MAP3K1: variants seen among roughly 807,000 people sequenced by gnomAD.
The protein encoded by MAP3K1 is MAP/ERK kinase kinase 1.
MAP3K1 carries 36 observed loss-of-function variants against 144.2 expected under a neutral mutation model. The observed-to-expected ratio is 0.25, with a 90% CI of 0.19 to 0.33. The LOEUF is 0.33. Among genes scored for constraint, MAP3K1 ranks in the 10% least tolerant of loss-of-function variants. The pLI is 1.00. For missense variants in MAP3K1, 1,650 were observed against 1,881.9 expected (o/e 0.88, Z 2.28); for synonymous variants, 718 against 688.7 (o/e 1.04, Z -0.67).
chr5:56,893,355 C>T (rs952417442), intron 19 of MAP3K1, among the ~76,000 whole-genome samples, 176 bp from the exon 20 acceptor site: 2 of 152,160 alleles, frequency 1.3e-5, no homozygotes, highest in Non-Finnish European at 2.9e-5. Flanking sequence ...AGAAAACCTC[C>T]CATCCAGTGG....
At chr5:56,856,224 C>T (rs1241241117) in intron 1 of MAP3K1, among the ~76,000 whole-genome samples, 2 of 152,132 alleles carry the variant, frequency 1.3e-5, no homozygotes, top group Non-Finnish European at 2.9e-5. Context: ...GCATATCCAC[C>T]AGATTCTATC....
chr5:56,840,358 G>C (rs1746776216), intron 1 of MAP3K1, among the ~76,000 whole-genome samples: 2 of 152,096 alleles, frequency 1.3e-5, no homozygotes, highest in South Asian at 2.1e-4. Flanking sequence ...ATGTTGGCCA[G>C]GCTGGTCTTG....
chr5:56,817,027 CG>C, intron 1 of MAP3K1: 1 of 983,532 alleles, frequency 1.0e-6, no homozygotes, highest in Middle Eastern at 5.2e-4. Flanking sequence ...TGCCCTGGCG[CG>C]GGCCGCCCGC....
chr5:56,872,549 C>G, intron 7 of MAP3K1, 92 bp from the exon 8 acceptor site: 3 of 770,302 alleles, frequency 3.9e-6, no homozygotes, highest in Non-Finnish European at 6.6e-6. Context: ...GAGGTTCCTT[C>G]TATATAAATT....
chr5:56,837,765 C>A (rs1275895047), intron 1 of MAP3K1, among the ~76,000 whole-genome samples: 1 of 152,176 alleles, frequency 6.6e-6, no homozygotes, highest in Non-Finnish European at 1.5e-5. Context: ...GCTTGAGACC[C>A]ATTTCCGTCC....
At chr5:56,826,786 G>C (rs1311122622) in intron 1 of MAP3K1, among the ~76,000 whole-genome samples, 1 of 152,242 alleles carries the variant, frequency 6.6e-6, no homozygotes, top group Non-Finnish European at 1.5e-5. Flanking sequence ...GCTAGAGCAT[G>C]TGTCTTCAGT....
rs369894303 is a variant in MAP3K1 at position 56,895,366 on chromosome 5, G to GT, written c.*1701dup. ...TGTACTTGACTTTCTTTTTTATTTTGTTTTTTTTTTTTTTTGACTACTTAG... is the reference window on the plus strand; with the variant it reads ...TGTACTTGACTTTCTTTTTTATTTTGTTTTTTTTTTTTTTTTGACTACTTAG... On this transcript the variant is annotated 3_prime_UTR_variant, in exon 20 of 20. Coordinates refer to ENST00000399503, the MANE Select transcript of MAP3K1 (RefSeq NM_005921.2). 0.04 allele frequency: 3,447 copies of GT among 86,000 alleles called. 20 individuals carry two copies. Among genetic ancestry groups the GT allele is most frequent in the Admixed American group, 0.074 (613 of 8,316 alleles). 5.3% of individuals were successfully genotyped at this position (86,000 alleles called of 1,614,324 possible). A position where few individuals can be genotyped will look rare whatever the true frequency, so the allele number is the denominator to read the frequency against.
chr5:56,876,778 C>T (rs1268733707), intron 10 of MAP3K1, among the ~76,000 whole-genome samples: 1 of 152,168 alleles, frequency 6.6e-6, no homozygotes, highest in Admixed American at 6.5e-5. Flanking sequence ...AACTTTCAAC[C>T]ATATGCCTGG....
At chr5:56,866,054 G>C in intron 6 of MAP3K1, 77 bp downstream of exon 6, 1 of 1,131,478 alleles carries the variant, frequency 8.8e-7, no homozygotes, top group South Asian at 1.3e-5. Flanking sequence ...ATATCTACTT[G>C]TTAAGTTGCT....
rs2111728888 is a variant in MAP3K1, at chr5:56,816,055, G to A, written c.482G>A (p.Gly161Asp). 1 of 1,215,734 alleles carries A rather than the reference G, an allele frequency of 8.2e-7. No individual in the cohort carries two copies. Among genetic ancestry groups the A allele is most frequent in the Non-Finnish European group, 1.0e-6 (1 of 978,796 alleles). 75.3% of individuals were successfully genotyped at this position (1,215,734 alleles called of 1,614,324 possible). Residue 161 changes from glycine to aspartate, a missense_variant and splice_region_variant, in exon 1 of 20, where the codon GGT (glycine) becomes GAT (aspartate). This residue lies in a region of MAP3K1 where 360 missense variants were observed against 274.7 expected (regional missense o/e 1.31). Transcript: ENST00000399503. ...CCGTCTCCTGCAGCGGCCCCCGCCG[G>A]GTGAGCAGCACGGCCGGGGTCGCGG... Reference protein sequence around the residue: ...AEPSPAAAPAGREMENKETLK... With the variant: ...AEPSPAAAPADREMENKETLK...
intron 1 of MAP3K1, 135 bp from the exon 2 acceptor site, chr5:56,856,465 T>A (rs1388541221): frequency 1.4e-6 from 1 of 731,964 alleles, no homozygotes; most frequent in Non-Finnish European, 2.3e-6. Flanking sequence ...TTAAGTCATT[T>A]GGGGTTTTTA....
chr5:56,859,668 C>T (rs1747443556), intron 2 of MAP3K1, 47 bp from the exon 3 acceptor site: 1 of 1,372,546 alleles, frequency 7.3e-7, no homozygotes, highest in Non-Finnish European at 1.0e-6. Context: ...CATTTACTTA[C>T]CTTTTATATT....
At chr5:56,840,250 C>T (rs1183246477) in intron 1 of MAP3K1, among the ~76,000 whole-genome samples, 1 of 152,182 alleles carries the variant, frequency 6.6e-6, no homozygotes, top group Non-Finnish European at 1.5e-5. Flanking sequence ...CAAGTTCAAA[C>T]GATTCTCCTG....
rs1308056410 is a variant in MAP3K1, at chr5:56,815,872, G to A, written c.299G>A (p.Gly100Glu). ...SPSPEPADAA[G>E]SGTGFQPVAV... ...TCGCCGGAGCCCGCGGACGCAGCGG[G>A]GAGTGGGACCGGCTTCCAGCCTGTG... The change falls in exon 1 of 20, where the codon GGG (glycine) becomes GAG (glutamate). Residue 100 changes from glycine to glutamate, a missense_variant. Around this residue, in one of 6 missense-constraint regions of MAP3K1, gnomAD observed 360 missense variants for 274.7 expected, o/e 1.31. Transcript: ENST00000399503. 1.4e-6 allele frequency: 2 copies of A among 1,386,410 alleles called. No homozygotes were observed. The highest frequency in any genetic ancestry group is 1.9e-6 in the Non-Finnish European group (2 of 1,065,692). 85.9% of individuals were successfully genotyped at this position (1,386,410 alleles called of 1,614,324 possible).
chr5:56,844,182 GGT>G (rs1491470983), intron 1 of MAP3K1, among the ~76,000 whole-genome samples: 3 of 108,404 alleles, frequency 2.8e-5, no homozygotes, highest in African/African-American at 9.8e-5. Flanking sequence ...TGTTTTTTTT[GGT>G]TTTTTTTTTT....
chr5:56,843,675 G>C (rs905579589), intron 1 of MAP3K1, among the ~76,000 whole-genome samples: 4 of 152,256 alleles, frequency 2.6e-5, no homozygotes, highest in African/African-American at 9.6e-5. Context: ...GGCCAGGCTT[G>C]AATTTCTGAT....
rs1362209571 is a variant in MAP3K1, at chr5:56,850,242, G to C, written c.483-6358G>C. Among the ~76,000 whole-genome samples the C allele has an allele frequency of 3.3e-5, 5 of 152,126 alleles. 1 individual carries two copies. The highest frequency in any genetic ancestry group is 3.3e-4 in the Admixed American group (5 of 15,278). Reference sequence around the variant, plus strand: ...GGTAGTGTGTGAATTTCTTCTGCTAGGAAGGCTTCACAGGTGGACCTTAAT... The same window carrying C: ...GGTAGTGTGTGAATTTCTTCTGCTACGAAGGCTTCACAGGTGGACCTTAAT... On this transcript the variant is annotated intron_variant, in intron 1 of 19. Transcript: ENST00000399503.
chr5:56,870,467 A>C (rs571349230), intron 6 of MAP3K1, among the ~76,000 whole-genome samples: 2 of 152,204 alleles, frequency 1.3e-5, no homozygotes, highest in Non-Finnish European at 2.9e-5. Flanking sequence ...GCTGCACACA[A>C]AATAACTACT....
chr5:56,893,232 G>A (rs1748601005), intron 19 of MAP3K1, among the ~76,000 whole-genome samples: 1 of 152,092 alleles, frequency 6.6e-6, no homozygotes, highest in Non-Finnish European at 1.5e-5. Context: ...TCATTTGAGT[G>A]AATACTTTAT....
Sources: allele counts gnomAD v4.1 joint callset (sites outside exome capture counted in the v4.1 genomes callset), GRCh38; gene constraint gnomAD v4.1.1; regional missense constraint gnomAD v4.1.1; transcripts MANE v1.5; gene names NCBI Gene and HGNC (gene_info 2026-07-23, HGNC 2026-07-21).